The following CADPS2 variants were observed in gnomAD, a reference collection of about 807,000 sequenced individuals.
The protein encoded by CADPS2 is calcium dependent secretion activator 2.
Under a neutral mutation model 172.5 loss-of-function variants are expected in CADPS2, and 93 were observed. The observed-to-expected ratio is 0.54, with a 90% CI of 0.46 to 0.64. The LOEUF (loss-of-function observed/expected upper bound fraction) is 0.64, where lower values mean the gene tolerates loss of function less well. CADPS2 is among the 30% of genes least tolerant of loss of function. CADPS2 has a pLI of 0.00. For synonymous variants in CADPS2, 546 were observed against 555.2 expected (o/e 0.98, Z 0.23); for missense variants, 1,420 against 1,565.9 (o/e 0.91, Z 1.57).
intron 8 of CADPS2, among the ~76,000 whole-genome samples, chr7:122,518,505 A>G (rs1258242144): frequency 6.6e-6 from 1 of 152,094 alleles, no homozygotes; most frequent in Non-Finnish European, 1.5e-5. Flanking sequence ...TTCATAAAGT[A>G]TGAGTCTACC....
chr7:122,707,605 T>A (rs1476169058), intron 2 of CADPS2, among the ~76,000 whole-genome samples: 1 of 151,918 alleles, frequency 6.6e-6, no homozygotes, highest in African/African-American at 2.4e-5. Flanking sequence ...AAACATTTAT[T>A]TTGCATTTAG....
intron 1 of CADPS2, among the ~76,000 whole-genome samples, chr7:122,740,841 A>G (rs2092430639): frequency 1.3e-5 from 2 of 152,168 alleles, no homozygotes; most frequent in Admixed American, 1.3e-4. Flanking sequence ...AACCAACAGA[A>G]AAATGGACAA....
At chr7:122,385,129 T>C (rs960479755) in intron 24 of CADPS2, among the ~76,000 whole-genome samples, 2 of 151,576 alleles carry the variant, frequency 1.3e-5, no homozygotes, top group African/African-American at 4.9e-5. Flanking sequence ...CATGAGGAGG[T>C]AAATAGGAGC....
At chr7:122,731,093 C>G (rs1055393164) in intron 2 of CADPS2, among the ~76,000 whole-genome samples, 1 of 151,430 alleles carries the variant, frequency 6.6e-6, no homozygotes, top group African/African-American at 2.4e-5. Flanking sequence ...AACAACAAAG[C>G]TGATTTTAAT....
At chr7:122,657,425 T>G (rs1204592861) in intron 3 of CADPS2, among the ~76,000 whole-genome samples, 5 of 152,348 alleles carry the variant, frequency 3.3e-5, no homozygotes, top group Admixed American at 3.3e-4. Context: ...ACGATATTGA[T>G]TCTTCTATCC....
intron 1 of CADPS2, among the ~76,000 whole-genome samples, chr7:122,878,313 A>T (rs970465048): frequency 3.3e-5 from 5 of 151,568 alleles, no homozygotes; most frequent in African/African-American, 1.2e-4. Context: ...CAAGTAAAAA[A>T]TTTCTGACAC....
chr7:122,698,895 A>T, intron 2 of CADPS2: 1 of 1,597,230 alleles, frequency 6.3e-7, no homozygotes, highest in Non-Finnish European at 8.5e-7. Context: ...TGTTTCTCCA[A>T]GTGCCAACCT....
At chr7:122,449,609 G>A (rs2052783008) in intron 15 of CADPS2, among the ~76,000 whole-genome samples, 1 of 152,080 alleles carries the variant, frequency 6.6e-6, no homozygotes, top group Non-Finnish European at 1.5e-5. Context: ...TACCACACCT[G>A]GTTAAGGCAA....
chr7:122,824,445 T>C (rs982512096), intron 1 of CADPS2, among the ~76,000 whole-genome samples: 1 of 152,222 alleles, frequency 6.6e-6, no homozygotes, highest in Non-Finnish European at 1.5e-5. Context: ...ATATTAAACT[T>C]CTGGATTCTT....
chr7:122,400,409 C>A (rs931170564), intron 20 of CADPS2, among the ~76,000 whole-genome samples: 3 of 151,806 alleles, frequency 2.0e-5, no homozygotes, highest in Non-Finnish European at 4.4e-5. Flanking sequence ...TGCACTCCAG[C>A]CTGGGCAATA....
At chr7:122,859,421 C>A (rs933227726) in intron 1 of CADPS2, among the ~76,000 whole-genome samples, 1 of 152,078 alleles carries the variant, frequency 6.6e-6, no homozygotes, top group South Asian at 2.1e-4. Context: ...ATCGCTTTCT[C>A]CAGTCAATTG....
chr7:122,580,699 G>A (rs763668768), intron 7 of CADPS2, among the ~76,000 whole-genome samples: 1 of 152,154 alleles, frequency 6.6e-6, no homozygotes, highest in Non-Finnish European at 1.5e-5. Flanking sequence ...GTTAAAAGGT[G>A]TGAGAAAAAG....
intron 20 of CADPS2, 111 bp from the exon 21 acceptor site, chr7:122,393,693 T>C (rs2044696374): frequency 5.4e-6 from 6 of 1,103,430 alleles, no homozygotes; most frequent in Non-Finnish European, 5.3e-6. Flanking sequence ...GAAGAACTGA[T>C]AAAATGCAGA....
chr7:122,869,501 A>C (rs998076221), intron 1 of CADPS2, among the ~76,000 whole-genome samples: 2 of 152,086 alleles, frequency 1.3e-5, no homozygotes, highest in African/African-American at 2.4e-5. Context: ...TCAAAAATGT[A>C]GGGGAGATAA....
At chr7:122,745,014 G>A (rs1157052669) in intron 1 of CADPS2, among the ~76,000 whole-genome samples, 3 of 148,574 alleles carry the variant, frequency 2.0e-5, no homozygotes, top group Admixed American at 6.8e-5. Flanking sequence ...AAGTAAAAAC[G>A]TAAACATTTA....
chr7:122,600,971 T>C (rs1184951611), intron 6 of CADPS2, among the ~76,000 whole-genome samples: 1 of 152,088 alleles, frequency 6.6e-6, no homozygotes, highest in East Asian at 1.9e-4. Flanking sequence ...TAGCTACTGA[T>C]TTTAACAAAA....
intron 28 of CADPS2, among the ~76,000 whole-genome samples, chr7:122,333,443 G>A (rs1241497182): frequency 4.6e-5 from 7 of 152,078 alleles, no homozygotes; most frequent in African/African-American, 7.2e-5. Context: ...TCTGAGTCAC[G>A]GTGCAGTCCC....
At chr7:122,540,561 C>T (rs543992523) in intron 8 of CADPS2, among the ~76,000 whole-genome samples, 5 of 152,140 alleles carry the variant, frequency 3.3e-5, no homozygotes, top group African/African-American at 1.2e-4. Flanking sequence ...TAGAATGACA[C>T]TTTAATTAGT....
At chr7:122,527,353 A>G (rs1464201715) in intron 8 of CADPS2, among the ~76,000 whole-genome samples, 1 of 151,874 alleles carries the variant, frequency 6.6e-6, no homozygotes, top group Admixed American at 6.6e-5. Context: ...AAAATGGAAC[A>G]GAATATATTA....
Sources: allele counts gnomAD v4.1 joint callset (sites outside exome capture counted in the v4.1 genomes callset), GRCh38; gene constraint gnomAD v4.1.1; transcripts MANE v1.5; gene names NCBI Gene and HGNC (gene_info 2026-07-23, HGNC 2026-07-21).